Variants in ZNF532 observed in about 807,000 individuals in gnomAD.
The protein encoded by ZNF532 is zinc finger protein 532.
In ZNF532, 22 loss-of-function variants were observed where a neutral mutation model predicts 89.3. The ratio of observed to expected loss-of-function variants is 0.25; its 90% CI spans 0.18 to 0.35. ZNF532 has a LOEUF of 0.35. Among genes scored for constraint, ZNF532 ranks in the 10% least tolerant of loss-of-function variants. The pLI is 1.00. For missense variants in ZNF532, 1,132 were observed against 1,643.4 expected (o/e 0.69, Z 5.38); for synonymous variants, 606 against 649.6 (o/e 0.93, Z 1.02).
intron 2 of ZNF532, among the ~76,000 whole-genome samples, chr18:58,910,858 A>T (rs1222485224): frequency 6.6e-6 from 1 of 151,690 alleles, no homozygotes; most frequent in East Asian, 1.9e-4. Flanking sequence ...ATGAGCCCTA[A>T]AATTCTCTCC....
At chr18:58,960,230 T>A (rs980131361) in intron 7 of ZNF532, among the ~76,000 whole-genome samples, 2 of 152,146 alleles carry the variant, frequency 1.3e-5, no homozygotes, top group African/African-American at 4.8e-5. Flanking sequence ...TTTAAAAAAA[T>A]TTTTTGGTAG....
intron 7 of ZNF532, among the ~76,000 whole-genome samples, chr18:58,971,087 T>G (rs2066433544): frequency 6.6e-6 from 1 of 152,246 alleles, no homozygotes. Context: ...AGTTGTACAG[T>G]GTCATCAGCA....
In ZNF532 at chr18:58,981,471, C is replaced by T; in HGVS notation, c.3265C>T (p.His1089Tyr). 6.2e-7 allele frequency: 1 copy of T among 1,612,136 alleles called. No individual in the cohort carries two copies. Among genetic ancestry groups the T allele is most frequent in the Non-Finnish European group, 8.5e-7 (1 of 1,179,782 alleles). Residue 1089 changes from histidine (H) to tyrosine (Y), a missense_variant and splice_region_variant, in exon 9 of 10, where the codon CAC (histidine) becomes TAC (tyrosine). By Grantham distance (83) the His-to-Tyr change is moderately conservative. Around this residue, in one of 9 missense-constraint regions of ZNF532, gnomAD observed 415 missense variants for 604.8 expected, o/e 0.69. Transcript: ENST00000591808. ...KGIRKVYACS[H>Y]CPDSRRTFTK... The stretch of plus-strand genomic sequence containing the variant: ...ATCTCCTTGCCTTTCACCCCACAGG[C>T]ACTGCCCAGACTCCAGACGTACCTT...
At chr18:58,924,711 G>T (rs371495209) in intron 3 of ZNF532, among the ~76,000 whole-genome samples, 4 of 152,162 alleles carry the variant, frequency 2.6e-5, no homozygotes, top group Non-Finnish European at 4.4e-5. Context: ...GGACATGAGC[G>T]TTGACTCAGT....
At chr18:58,892,325 A>G (rs2058959060) in intron 2 of ZNF532, among the ~76,000 whole-genome samples, 1 of 152,206 alleles carries the variant, frequency 6.6e-6, no homozygotes, top group African/African-American at 2.4e-5. Context: ...TCTAAATTTA[A>G]AGGGTACTCT....
At chr18:58,903,489 CAG>C (rs2059729673) in intron 2 of ZNF532, among the ~76,000 whole-genome samples, 1 of 151,062 alleles carries the variant, frequency 6.6e-6, no homozygotes, top group African/African-American at 2.4e-5. Context: ...AGGCTGGAGA[CAG>C]GGAGAACAGA....
At chr18:58,966,517 T>TA (rs1223964799) in intron 7 of ZNF532, among the ~76,000 whole-genome samples, 1 of 151,882 alleles carries the variant, frequency 6.6e-6, no homozygotes, top group Non-Finnish European at 1.5e-5. Context: ...AAGTGAAAGA[T>TA]ACAAAGAAGG....
intron 7 of ZNF532, among the ~76,000 whole-genome samples, chr18:58,962,312 A>G (rs2065436124): frequency 6.6e-6 from 1 of 152,170 alleles, no homozygotes; most frequent in South Asian, 2.1e-4. Flanking sequence ...TAATCTATGT[A>G]GTAGCCATTG....
intron 2 of ZNF532, among the ~76,000 whole-genome samples, chr18:58,869,599 T>G (rs566991243): frequency 8.5e-5 from 13 of 152,198 alleles, no homozygotes; most frequent in African/African-American, 2.9e-4. Flanking sequence ...AATTATAATT[T>G]GATTTATGGA....
intron 2 of ZNF532, among the ~76,000 whole-genome samples, chr18:58,882,485 A>G (rs2058004083): frequency 6.6e-6 from 1 of 152,228 alleles, no homozygotes; most frequent in African/African-American, 2.4e-5. Flanking sequence ...TCTGTTGCCT[A>G]GGCTGGAGTG....
intron 4 of ZNF532, among the ~76,000 whole-genome samples, chr18:58,936,108 G>A (rs543769053): frequency 3.3e-5 from 5 of 152,344 alleles, no homozygotes; most frequent in South Asian, 2.1e-4. Context: ...CAGTTTTCTT[G>A]TACGACTTCT....
chr18:58,906,649 T>A (rs1449921551), intron 2 of ZNF532, among the ~76,000 whole-genome samples: 1 of 152,208 alleles, frequency 6.6e-6, no homozygotes, highest in Non-Finnish European at 1.5e-5. Flanking sequence ...GTTCACCTTC[T>A]CCCATGACCT....
intron 2 of ZNF532, among the ~76,000 whole-genome samples, chr18:58,900,832 A>C (rs1243703108): frequency 6.6e-6 from 1 of 152,176 alleles, no homozygotes; most frequent in Admixed American, 6.5e-5. Context: ...GGACATTTTC[A>C]TCACCTCAGA....
At chr18:58,888,743 T>TAA (rs1555709077) in intron 2 of ZNF532, among the ~76,000 whole-genome samples, 947 of 41,470 alleles carry the variant, frequency 0.023, 78 homozygotes, top group East Asian at 0.14. Flanking sequence ...TATATATATT[T>TAA]TATATATATA....
chr18:58,954,305 C>T lies in ZNF532; in HGVS notation c.3150+506C>T, dbSNP rs545834990. The stretch of plus-strand genomic sequence containing the variant: ...CTCCAAGTCACTGAAAAATCTGAGT[C>T]ACATATGTATATCCTTTCTCTTTTA... On this transcript the variant is annotated intron_variant, in intron 7 of 9. Transcript: ENST00000591808. The T allele has an allele frequency of 9.2e-6, 9 of 980,928 alleles. No individual in the cohort carries two copies. The East Asian group carries it at 1.0e-3, about 111-fold the overall frequency. 60.8% of individuals were successfully genotyped at this position (980,928 alleles called of 1,614,324 possible).
At position 58,912,168 on chromosome 18, in the gene ZNF532, A is replaced by C. The variant is rs781721790; in HGVS notation, c.-17-6103A>C. On this transcript the variant is annotated intron_variant, in intron 2 of 9. Transcript: ENST00000591808. ...GCATTAGTATGTGACTCCTGTGTTGATATTTCCAGAAGCAGTTTGAATTTC... is the reference window on the plus strand; with the variant it reads ...GCATTAGTATGTGACTCCTGTGTTGCTATTTCCAGAAGCAGTTTGAATTTC... Among the ~76,000 whole-genome samples the C allele has an allele frequency of 5.3e-5, 8 of 152,164 alleles. No individual in the cohort carries two copies. The East Asian group carries it at 1.5e-3, about 29-fold the overall frequency.
intron 2 of ZNF532, among the ~76,000 whole-genome samples, chr18:58,888,813 A>T (rs1214058810): frequency 1.5e-4 from 3 of 20,384 alleles, no homozygotes; most frequent in East Asian, 6.2e-3. Context: ...ATATATAAAA[A>T]ATTATATATA....
At chr18:58,969,873 C>T (rs1272031391) in intron 7 of ZNF532, among the ~76,000 whole-genome samples, 1 of 84,750 alleles carries the variant, frequency 1.2e-5, no homozygotes, top group African/African-American at 5.7e-5. Context: ...ATATTTGTCC[C>T]TTTTTTTTTT....
Position 58,920,136 on chromosome 18 carries a change from A to G in ZNF532, c.1849A>G (p.Lys617Glu). ...GATCACGTTACCGACGCGTGGGTAC[A>G]AGTGCTTGGAGTGTGGGGACTCCTT... ...AGITLPTRGY[K>E]CLECGDSFAL... The change falls in exon 3 of 10, where the codon AAG becomes GAG. Residue 617 changes from lysine to glutamate, a missense_variant. This residue lies in a region of ZNF532 where 70 missense variants were observed against 152.1 expected (regional missense o/e 0.46). Coordinates refer to ENST00000591808, the MANE Select transcript of ZNF532 (RefSeq NM_001375912.1). 6.2e-7 allele frequency: 1 copy of G among 1,613,960 alleles called. No individual in the cohort carries two copies.
Sources: gnomAD v4.1 joint callset for allele counts (sites outside exome capture counted in the v4.1 genomes callset) on GRCh38, gnomAD v4.1.1 for gene constraint, gnomAD v4.1.1 regional missense constraint, MANE v1.5 for transcripts, NCBI Gene and HGNC (gene_info 2026-07-23, HGNC 2026-07-21) for gene names.